ELOB: variants seen among roughly 807,000 people sequenced by gnomAD.
The protein encoded by ELOB is elongin B.
ELOB carries 3 observed loss-of-function variants against 12.9 expected under a neutral mutation model. The observed-to-expected ratio is 0.23, with a 90% CI of 0.11 to 0.60. ELOB has a LOEUF of 0.60. Among genes scored for constraint, ELOB ranks in the 20% least tolerant of loss-of-function variants. The pLI is 0.89. For missense variants in ELOB, 126 were observed against 159.2 expected, an observed-to-expected ratio of 0.79 and a Z score of 1.12; for synonymous variants, 84 against 67.4, an observed-to-expected ratio of 1.25 and a Z score of -1.21.
chr16:2,776,405 T>C (rs1013609661), intron 2 of ELOB, among the ~76,000 whole-genome samples: 3 of 152,178 alleles, frequency 2.0e-5, no homozygotes, highest in Non-Finnish European at 4.4e-5. Flanking sequence ...GACTCCCCAA[T>C]GCAGACCCCA....
chr16:2,775,201 C>A (rs1240282139), intron 3 of ELOB, among the ~76,000 whole-genome samples: 1 of 152,090 alleles, frequency 6.6e-6, no homozygotes, highest in African/African-American at 2.4e-5. Flanking sequence ...CTCACTCAGC[C>A]TCCTGTAAAT....
intron 3 of ELOB, among the ~76,000 whole-genome samples, chr16:2,773,612 T>C (rs2068782212): frequency 6.6e-6 from 1 of 152,086 alleles, no homozygotes; most frequent in Admixed American, 6.5e-5. Flanking sequence ...AAGCATTCCA[T>C]GGGGAAGCAA....
At chr16:2,774,546 G>A (rs2068788225) in intron 3 of ELOB, among the ~76,000 whole-genome samples, 1 of 152,230 alleles carries the variant, frequency 6.6e-6, no homozygotes, top group Non-Finnish European at 1.5e-5. Context: ...TTATGGAACG[G>A]AAAGGTGGAG....
At chr16:2,772,212 C>T (rs2068763246) in intron 3 of ELOB, 110 bp from the exon 4 acceptor site, 3 of 1,293,316 alleles carry the variant, frequency 2.3e-6, no homozygotes, top group South Asian at 1.6e-5. Flanking sequence ...CATGCGAACG[C>T]CCCTCCACAC....
At position 2,771,742 on chromosome 16, in the gene ELOB, G is replaced by A. The variant is rs895678440; in HGVS notation, c.*248C>T. 1 of 1,518,694 alleles carries A rather than the reference G, an allele frequency of 6.6e-7. No homozygotes were observed. The highest frequency in any genetic ancestry group is 8.8e-7 in the Non-Finnish European group (1 of 1,137,324). 94.1% of individuals were successfully genotyped at this position (1,518,694 alleles called of 1,614,324 possible). On this transcript the variant is annotated 3_prime_UTR_variant, in exon 4 of 4. Transcript: ENST00000409906. ...GCGTGGTTGGTGTGGCTGGCTAGCT[G>A]CTAACAATGGCTTGGGTCTCAGGGC...
At position 2,771,731 on chromosome 16, in the gene ELOB, G is replaced by C; in HGVS notation, c.*259C>G. On this transcript the variant is annotated 3_prime_UTR_variant, in exon 4 of 4. Coordinates refer to ENST00000409906, the MANE Select transcript of ELOB (RefSeq NM_007108.4). Reference sequence around the variant, plus strand: ...TCCTCCCCCTGGCGTGGTTGGTGTGGCTGGCTAGCTGCTAACAATGGCTTG... The same window carrying C: ...TCCTCCCCCTGGCGTGGTTGGTGTGCCTGGCTAGCTGCTAACAATGGCTTG... 6.5e-7 allele frequency: 1 copy of C among 1,532,540 alleles called. No homozygotes were observed. The highest frequency in any genetic ancestry group is 8.7e-7 in the Non-Finnish European group (1 of 1,143,836). The allele number at this position is 1,532,540 out of a possible 1,614,324, so 94.9% of individuals were successfully genotyped here.
intron 2 of ELOB, among the ~76,000 whole-genome samples, chr16:2,776,168 C>T (rs963113358): frequency 3.3e-5 from 5 of 152,178 alleles, no homozygotes; most frequent in East Asian, 1.9e-4. Flanking sequence ...AAACATAAAG[C>T]ACTAAGTAGA....
intron 3 of ELOB, chr16:2,772,658 G>A (rs907682911): frequency 6.6e-6 from 1 of 151,232 alleles, no homozygotes; most frequent in Non-Finnish European, 1.5e-5. Flanking sequence ...TGCAGTAGCT[G>A]AGATCGCGCC....
intron 1 of ELOB, 36 bp downstream of exon 1, chr16:2,777,201 G>GCCCGGCCCGGCCGCCCCTC (rs1282117401): frequency 3.1e-5 from 26 of 828,022 alleles, no homozygotes; most frequent in Non-Finnish European, 3.8e-5. Flanking sequence ...GCCGCCCCCG[G>GCCCGGCCCGGCCGCCCCTC]CCCGGCCCGG....
At chr16:2,774,826 G>C (rs949275138) in intron 3 of ELOB, among the ~76,000 whole-genome samples, 7 of 151,006 alleles carry the variant, frequency 4.6e-5, no homozygotes, top group African/African-American at 1.7e-4. Context: ...GGGCAGGGGT[G>C]GGGTATGGCT....
Position 2,775,508 on chromosome 16 carries a change from T to G in ELOB, c.187A>C (p.Thr63Pro). 1 of 1,608,794 alleles carries G rather than the reference T, an allele frequency of 6.2e-7. No individual in the cohort carries two copies. Among genetic ancestry groups the G allele is most frequent in the Non-Finnish European group, 8.5e-7 (1 of 1,179,746 alleles). ...GCCTGTGGCCGTGCTGTTTGACTGG[T>G]GAAGCCACACTCGCCCAGTGTCTTG... ...DGKTLGECGF[T>P]SQTARPQAPA... Residue 63 changes from threonine to proline, a missense_variant, in exon 3 of 4, where the codon ACC becomes CCC. Coordinates refer to ENST00000409906, the MANE Select transcript of ELOB (RefSeq NM_007108.4).
Position 2,777,196 on chromosome 16 carries a change from C to CCCCGG in ELOB, c.3+36_3+40dup, listed in dbSNP as rs1274816344. Reference sequence around the variant, plus strand: ...GCGCGGCCCAGCCGCCCCCCGCCGCCCCCGGCCCGGCCCGGCCGCCCCTCC... The same window carrying CCCCGG: ...GCGCGGCCCAGCCGCCCCCCGCCGCCCCCGGCCCGGCCCGGCCCGGCCGCCCCTCC... On this transcript the variant is annotated intron_variant, in intron 1 of 3. Coordinates refer to ENST00000409906, the MANE Select transcript of ELOB (RefSeq NM_007108.4). 3.6e-4 allele frequency: 360 copies of CCCCGG among 1,005,574 alleles called. 1 individual carries two copies. The highest frequency in any genetic ancestry group is 1.1e-3 in the African/African-American group (64 of 57,156). 62.3% of individuals were successfully genotyped at this position (1,005,574 alleles called of 1,614,324 possible).
chr16:2,777,152 C>A, intron 1 of ELOB, 25 bp from the exon 2 acceptor site: 1 of 1,416,176 alleles, frequency 7.1e-7, no homozygotes, highest in South Asian at 1.3e-5. Context: ...CCGGCGTGAG[C>A]ACGAAGCCCG....
chr16:2,772,129 G>C, intron 3 of ELOB, 27 bp from the exon 4 acceptor site: 18 of 1,565,732 alleles, frequency 1.1e-5, no homozygotes, highest in Non-Finnish European at 1.6e-5. Flanking sequence ...AGAGCTGCAG[G>C]GGGGTATTCC....
Position 2,771,582 on chromosome 16 carries a change from T to C in ELOB, c.*408A>G, listed in dbSNP as rs763384913. ...CAGCTTGTGTTTCTGCTCTTGGCCA[T>C]CGTCTGGGAGTGGACATGCAGGCTA... On this transcript the variant is annotated 3_prime_UTR_variant, in exon 4 of 4. Transcript: ENST00000409906. The C allele has an allele frequency of 3.0e-5, 48 of 1,613,910 alleles. No homozygotes were observed. In the South Asian group the frequency reaches 4.5e-4, roughly 15 times the overall value.
intron 3 of ELOB, among the ~76,000 whole-genome samples, chr16:2,774,385 C>A (rs2068787085): frequency 6.6e-6 from 1 of 152,216 alleles, no homozygotes; most frequent in South Asian, 2.1e-4. Context: ...CAGGCCAGAC[C>A]TGGGGTGCAT....
chr16:2,773,797 G>C (rs980859001), intron 3 of ELOB, among the ~76,000 whole-genome samples: 1 of 152,218 alleles, frequency 6.6e-6, no homozygotes, highest in African/African-American at 2.4e-5. Context: ...GGGTCTATCA[G>C]TATCTTCCAA....
chr16:2,775,457 G>A lies in ELOB; in HGVS notation c.238C>T (p.Arg80Trp), dbSNP rs778365648. ...QAPATVGLAF[R>W]ADDTFEALCI... ...TGGGTGGTGGGCCTCTCACCTGCCC[G>A]GAAGGCCAGCCCCACTGTGGCTGGG... The change falls in exon 3 of 4, where the codon CGG becomes TGG. Residue 80 changes from arginine (R) to tryptophan (W), a missense_variant. By Grantham distance (101) the Arg-to-Trp change is moderately radical (BLOSUM62 -3). Transcript: ENST00000409906. 1.3e-5 allele frequency: 21 copies of A among 1,599,982 alleles called. No individual in the cohort carries two copies. Among genetic ancestry groups the A allele is most frequent in the African/African-American group, 6.7e-5 (5 of 74,738 alleles).
rs999030736 is a variant in ELOB at position 2,771,933 on chromosome 16, C to A, written c.*57G>T. On this transcript the variant is annotated 3_prime_UTR_variant, in exon 4 of 4. Coordinates refer to ENST00000409906, the MANE Select transcript of ELOB (RefSeq NM_007108.4). ...AGGGAGGGGCGGGAAAAAGAGGCAGCAACCAGGCAGACTCCCAAATCTCTT... is the reference window on the plus strand; with the variant it reads ...AGGGAGGGGCGGGAAAAAGAGGCAGAAACCAGGCAGACTCCCAAATCTCTT... The A allele has an allele frequency of 1.1e-5, 18 of 1,566,778 alleles. No individual in the cohort carries two copies. The Admixed American group carries it at 2.3e-4, about 20-fold the overall frequency.
Sources: allele counts gnomAD v4.1 joint callset (sites outside exome capture counted in the v4.1 genomes callset), GRCh38; gene constraint gnomAD v4.1.1; transcripts MANE v1.5; gene names NCBI Gene and HGNC (gene_info 2026-07-23, HGNC 2026-07-21).